Variants in SAMD4A observed in about 807,000 individuals in gnomAD.
SAMD4A encodes the protein protein Smaug homolog 1.
SAMD4A carries 33 observed loss-of-function variants against 81.3 expected under a neutral mutation model. The observed-to-expected ratio is 0.41, with a 90% CI of 0.31 to 0.54. The LOEUF (loss-of-function observed/expected upper bound fraction) is 0.54. Among genes scored for constraint, SAMD4A ranks in the 20% least tolerant of loss-of-function variants. The pLI is 0.37. For synonymous variants in SAMD4A, 389 were observed against 382.1 expected (o/e 1.02, Z -0.21); for missense variants, 854 against 951.1 (o/e 0.90, Z 1.34).
intron 3 of SAMD4A, among the ~76,000 whole-genome samples, chr14:54,726,307 A>G (rs1411139450): frequency 6.6e-6 from 1 of 152,144 alleles, no homozygotes; most frequent in Non-Finnish European, 1.5e-5. Context: ...GGGAGTCTTT[A>G]GGAATTCCTG....
chr14:54,697,930 C>G (rs2036616008), intron 2 of SAMD4A, among the ~76,000 whole-genome samples: 2 of 152,196 alleles, frequency 1.3e-5, no homozygotes, highest in Non-Finnish European at 2.9e-5. Context: ...GGGTTGCTTG[C>G]ATGATGTCAC....
chr14:54,642,191 C>T (rs141151917), intron 2 of SAMD4A, among the ~76,000 whole-genome samples: 2 of 152,296 alleles, frequency 1.3e-5, no homozygotes, highest in African/African-American at 4.8e-5. Context: ...AGCATGATGG[C>T]TTGAACTGAT....
intron 2 of SAMD4A, among the ~76,000 whole-genome samples, chr14:54,634,711 ATCTATCTATCTG>A (rs964596028): frequency 3.8e-5 from 4 of 105,650 alleles, no homozygotes; most frequent in East Asian, 3.2e-4. Flanking sequence ...CCCTCTATCT[ATCTATCTATCTG>A]TCTGTCTGTC....
intron 4 of SAMD4A, among the ~76,000 whole-genome samples, chr14:54,741,445 G>T (rs1344888969): frequency 6.6e-6 from 1 of 152,218 alleles, no homozygotes; most frequent in Non-Finnish European, 1.5e-5. Context: ...GGAGGAAAGA[G>T]CAGGGGAAAA....
chr14:54,756,810 C>T (rs2038252059), intron 6 of SAMD4A, among the ~76,000 whole-genome samples: 1 of 152,194 alleles, frequency 6.6e-6, no homozygotes, highest in Non-Finnish European at 1.5e-5. Context: ...TCCTCCAAGA[C>T]CCAAGTTAGC....
chr14:54,680,621 C>T (rs2036103933), intron 2 of SAMD4A, among the ~76,000 whole-genome samples: 1 of 152,122 alleles, frequency 6.6e-6, no homozygotes, highest in African/African-American at 2.4e-5. Context: ...AAGAAACTTC[C>T]AGCATATTTC....
intron 9 of SAMD4A, 151 bp downstream of exon 9, chr14:54,770,373 G>T (rs540741711): frequency 3.2e-6 from 2 of 633,186 alleles, no homozygotes; most frequent in Non-Finnish European, 5.6e-6. Flanking sequence ...GCTTAAACAG[G>T]TGGGGCTGGG....
At chr14:54,706,054 A>G (rs553267262) in intron 3 of SAMD4A, among the ~76,000 whole-genome samples, 5 of 152,284 alleles carry the variant, frequency 3.3e-5, no homozygotes, top group African/African-American at 9.6e-5. Context: ...TGGAGGGTCA[A>G]GAAAGCCTTT....
At chr14:54,694,916 A>G (rs556246219) in intron 2 of SAMD4A, 1 of 985,388 alleles carries the variant, frequency 1.0e-6, no homozygotes, top group East Asian at 1.1e-4. Flanking sequence ...CCAGATCTCT[A>G]CTCTGGAAAG....
At chr14:54,704,974 G>A (rs1346346494) in intron 3 of SAMD4A, among the ~76,000 whole-genome samples, 1 of 152,136 alleles carries the variant, frequency 6.6e-6, no homozygotes, top group Admixed American at 6.5e-5. Flanking sequence ...AAGGACTTTG[G>A]CATCAACGCC....
At position 54,702,884 on chromosome 14, in the gene SAMD4A, C is replaced by T. The variant is rs551057552; in HGVS notation, c.715+304C>T. 8.8e-6 allele frequency: 3 copies of T among 340,236 alleles called. No individual in the cohort carries two copies. In the East Asian group the frequency reaches 1.5e-4, roughly 17 times the overall value. The allele number at this position is 340,236 out of a possible 1,614,324, so 21.1% of individuals were successfully genotyped here. On this transcript the variant is annotated intron_variant, in intron 3 of 12. Coordinates refer to ENST00000554335, the MANE Select transcript of SAMD4A (RefSeq NM_015589.6). ...CGTTTCCACAATCAGAAATGCATTT[C>T]ACCCATGTCTTTCACCCTGGGGTTT... is the stretch of plus-strand genomic sequence containing the variant.
intron 3 of SAMD4A, among the ~76,000 whole-genome samples, chr14:54,718,554 T>TTTGTTGTTC (rs1555346819): frequency 7.4e-6 from 1 of 134,754 alleles, no homozygotes; most frequent in Admixed American, 7.0e-5. Context: ...TTTTGGGTTT[T>TTTGTTGTTC]TTGTTGTTGT....
intron 2 of SAMD4A, among the ~76,000 whole-genome samples, chr14:54,593,616 C>T (rs2033839262): frequency 6.6e-6 from 1 of 152,244 alleles, no homozygotes; most frequent in South Asian, 2.1e-4. Flanking sequence ...AATGATTTTA[C>T]AAATGCTTAG....
intron 3 of SAMD4A, among the ~76,000 whole-genome samples, chr14:54,723,649 A>G (rs1441391258): frequency 6.6e-6 from 1 of 152,262 alleles, no homozygotes; most frequent in Non-Finnish European, 1.5e-5. Flanking sequence ...GAATATTAAC[A>G]CTGCCTTGCG....
At chr14:54,781,988 C>A (rs1188968304) in intron 11 of SAMD4A, among the ~76,000 whole-genome samples, 1 of 152,200 alleles carries the variant, frequency 6.6e-6, no homozygotes, top group Non-Finnish European at 1.5e-5. Flanking sequence ...CAGAGCCACT[C>A]GGAGTGTTGG....
chr14:54,584,798 G>T (rs533065961), intron 2 of SAMD4A, among the ~76,000 whole-genome samples: 2 of 152,038 alleles, frequency 1.3e-5, no homozygotes, highest in South Asian at 4.1e-4. Context: ...AATTTGACAC[G>T]TAGGCTATTT....
chr14:54,606,239 G>A (rs1594724470), intron 2 of SAMD4A, among the ~76,000 whole-genome samples: 1 of 151,928 alleles, frequency 6.6e-6, no homozygotes. Flanking sequence ...GCACGTGTGC[G>A]CTCATTTCTG....
chr14:54,646,041 A>T (rs1405090248), intron 2 of SAMD4A, among the ~76,000 whole-genome samples: 1 of 152,226 alleles, frequency 6.6e-6, no homozygotes, highest in Non-Finnish European at 1.5e-5. Flanking sequence ...AACTCTTCCT[A>T]TGGAGGCCAA....
chr14:54,607,263 C>T (rs201503256), intron 2 of SAMD4A, among the ~76,000 whole-genome samples: 1 of 149,826 alleles, frequency 6.7e-6, no homozygotes, highest in African/African-American at 2.5e-5. Context: ...CATGTGAGAT[C>T]GTGGCAGGTA....
Sources: gnomAD v4.1 joint callset for allele counts (sites outside exome capture counted in the v4.1 genomes callset) on GRCh38, gnomAD v4.1.1 for gene constraint, MANE v1.5 for transcripts, NCBI Gene and HGNC (gene_info 2026-07-23, HGNC 2026-07-21) for gene names.